The following NPAS3 variants were observed in gnomAD, a reference collection of about 807,000 sequenced individuals.
The protein encoded by NPAS3 is neuronal PAS domain protein 3.
In NPAS3, 14 loss-of-function variants were observed where a neutral mutation model predicts 73.1. The observed-to-expected ratio is 0.19, with a 90% CI of 0.13 to 0.30. The LOEUF is 0.30. Ranked by LOEUF, NPAS3 falls within the 10% of genes least tolerant of loss-of-function variation. The pLI is 1.00. For synonymous variants in NPAS3, 620 were observed against 541.5 expected (o/e 1.14, Z -2.01); for missense variants, 1,096 against 1,250.0 (o/e 0.88, Z 1.86).
At chr14:33,125,373 C>T (rs746326344) in intron 2 of NPAS3, among the ~76,000 whole-genome samples, 2 of 151,570 alleles carry the variant, frequency 1.3e-5, no homozygotes, top group Non-Finnish European at 2.9e-5. Flanking sequence ...ATCCAGGAGT[C>T]GAGGAAATGA....
chr14:33,014,587 G>A (rs536717493), intron 1 of NPAS3, among the ~76,000 whole-genome samples: 1 of 152,082 alleles, frequency 6.6e-6, no homozygotes, highest in East Asian at 1.9e-4. Flanking sequence ...TGAAAACTTA[G>A]GATATTAAAA....
intron 2 of NPAS3, among the ~76,000 whole-genome samples, chr14:33,117,700 T>TCAA (rs2043112624): frequency 6.6e-6 from 1 of 152,136 alleles, no homozygotes; most frequent in African/African-American, 2.4e-5. Flanking sequence ...TGTAACCTTA[T>TCAA]TTGATAGAAA....
chr14:33,721,370 G>A (rs75144701), intron 6 of NPAS3, among the ~76,000 whole-genome samples: 9,802 of 152,158 alleles, frequency 0.064, 383 homozygotes, highest in South Asian at 0.19. Flanking sequence ...GCCTTTTTAG[G>A]TTGGGTTTAC....
chr14:33,729,779 G>T (rs2061357208), intron 6 of NPAS3, among the ~76,000 whole-genome samples: 1 of 152,088 alleles, frequency 6.6e-6, no homozygotes, highest in Non-Finnish European at 1.5e-5. Flanking sequence ...TTAAAAGCAG[G>T]TCACCAAGTT....
intron 3 of NPAS3, among the ~76,000 whole-genome samples, chr14:33,333,080 GTT>G: frequency 6.6e-6 from 1 of 152,190 alleles, no homozygotes; most frequent in Non-Finnish European, 1.5e-5. Context: ...TGCAGTCCTG[GTT>G]GAAGACAGAA....
intron 1 of NPAS3, among the ~76,000 whole-genome samples, chr14:33,052,342 C>G (rs1478756538): frequency 6.6e-6 from 1 of 152,228 alleles, no homozygotes; most frequent in East Asian, 1.9e-4. Context: ...TAAATAACTA[C>G]CCTACCACCC....
At chr14:33,193,099 T>C (rs2046228458) in intron 2 of NPAS3, among the ~76,000 whole-genome samples, 1 of 152,218 alleles carries the variant, frequency 6.6e-6, no homozygotes, top group Non-Finnish European at 1.5e-5. Context: ...TGCTATCTCT[T>C]TTATACATAA....
At chr14:33,794,626 G>A (rs1465284494) in intron 10 of NPAS3, among the ~76,000 whole-genome samples, 1 of 70,528 alleles carries the variant, frequency 1.4e-5, no homozygotes, top group Non-Finnish European at 3.0e-5. Flanking sequence ...TTTTTTTTTT[G>A]GCCCACTGCT....
chr14:33,144,587 G>A (rs2044172417), intron 2 of NPAS3, among the ~76,000 whole-genome samples: 1 of 152,020 alleles, frequency 6.6e-6, no homozygotes, highest in Admixed American at 6.6e-5. Flanking sequence ...TATCATCCGG[G>A]CAGGAGTGCA....
At chr14:33,506,688 G>A (rs2052779978) in intron 4 of NPAS3, among the ~76,000 whole-genome samples, 1 of 151,982 alleles carries the variant, frequency 6.6e-6, no homozygotes, top group Non-Finnish European at 1.5e-5. Context: ...CTATGATCCA[G>A]TTAACTCTTT....
At chr14:33,366,941 G>A (rs1439436459) in intron 3 of NPAS3, among the ~76,000 whole-genome samples, 1 of 148,284 alleles carries the variant, frequency 6.7e-6, no homozygotes, top group Non-Finnish European at 1.5e-5. Context: ...CATCCAAAAG[G>A]AAAATTTTTA....
intron 1 of NPAS3, among the ~76,000 whole-genome samples, chr14:33,016,315 G>A (rs1251459569): frequency 6.6e-6 from 1 of 152,076 alleles, no homozygotes; most frequent in Non-Finnish European, 1.5e-5. Flanking sequence ...CTTGGCCCAT[G>A]GTAGATAATC....
chr14:33,631,107 C>G (rs2058365704), intron 5 of NPAS3, among the ~76,000 whole-genome samples: 1 of 152,108 alleles, frequency 6.6e-6, no homozygotes, highest in African/African-American at 2.4e-5. Flanking sequence ...GTCCCTGGAC[C>G]AATACAAATT....
intron 1 of NPAS3, among the ~76,000 whole-genome samples, chr14:32,939,793 T>TGGGGAG (rs1226277656): frequency 3.0e-5 from 2 of 66,372 alleles, no homozygotes; most frequent in Non-Finnish European, 6.3e-5. Context: ...GGAATGAGGC[T>TGGGGAG]GGGGAGGGGG....
intron 4 of NPAS3, among the ~76,000 whole-genome samples, chr14:33,559,074 T>C (rs1391172035): frequency 6.6e-6 from 1 of 152,254 alleles, no homozygotes; most frequent in Non-Finnish European, 1.5e-5. Context: ...TTCATCAAAC[T>C]GAAAATGCAA....
chr14:33,012,794 C>G (rs1422439082), intron 1 of NPAS3, among the ~76,000 whole-genome samples: 2 of 152,176 alleles, frequency 1.3e-5, no homozygotes, highest in African/African-American at 4.8e-5. Flanking sequence ...AGGCAATCCA[C>G]CCGCTTCTGC....
chr14:33,651,547 A>T (rs566733789), intron 5 of NPAS3, among the ~76,000 whole-genome samples: 18 of 146,710 alleles, frequency 1.2e-4, no homozygotes, highest in South Asian at 2.1e-4. Context: ...ATTATATATT[A>T]AAAAAACCCA....
At chr14:33,246,839 CAAAAAAAAAAA>C (rs571439161) in intron 3 of NPAS3, among the ~76,000 whole-genome samples, 19 of 61,964 alleles carry the variant, frequency 3.1e-4, no homozygotes, top group African/African-American at 1.4e-3. Context: ...ATTAAAAATA[CAAAAAAAAAAA>C]AAAAAAAAAA....
chr14:33,537,599 G>C (rs1026289487), intron 4 of NPAS3, among the ~76,000 whole-genome samples: 1 of 152,142 alleles, frequency 6.6e-6, no homozygotes, highest in Non-Finnish European at 1.5e-5. Context: ...ATCACACTGC[G>C]AGAGCCATCG....
Sources: gnomAD v4.1 joint callset for allele counts (sites outside exome capture counted in the v4.1 genomes callset) on GRCh38, gnomAD v4.1.1 for gene constraint, MANE v1.5 for transcripts, NCBI Gene and HGNC (gene_info 2026-07-23, HGNC 2026-07-21) for gene names.